GRIK4: variants seen among roughly 807,000 people sequenced by gnomAD.
The protein encoded by GRIK4 is glutamate receptor ionotropic, kainate 4.
Under a neutral mutation model 104.9 loss-of-function variants are expected in GRIK4, and 40 were observed. That is an observed-to-expected ratio of 0.38 (90% CI 0.30 to 0.50). The LOEUF (loss-of-function observed/expected upper bound fraction) is 0.50, where lower values mean the gene tolerates loss of function less well. Among genes scored for constraint, GRIK4 ranks in the 20% least tolerant of loss-of-function variants. GRIK4 has a pLI of 0.93. For missense variants in GRIK4, 1,047 were observed against 1,308.1 expected, an observed-to-expected ratio of 0.80 and a Z score of 3.08; for synonymous variants, 485 against 524.9, an observed-to-expected ratio of 0.92 and a Z score of 1.04.
In GRIK4 at chr11:120,962,539, G is replaced by C; in HGVS notation, c.2124G>C (p.Glu708Asp). The C allele has an allele frequency of 6.2e-7, 1 of 1,614,078 alleles. No homozygotes were observed. The highest frequency in any genetic ancestry group is 8.5e-7 in the Non-Finnish European group (1 of 1,179,938). The change falls in exon 18 of 21, where the codon GAG becomes GAC. Residue 708 changes from glutamate to aspartate, a missense_variant. Coordinates refer to ENST00000527524, the MANE Select transcript of GRIK4 (RefSeq NM_014619.5). ...QPSVFVKSTEEGIARVLNSNY... is the reference protein window; with the variant it reads ...QPSVFVKSTEDGIARVLNSNY... ...GCGTGTTCGTGAAGAGCACAGAGGA[G>C]GGAATCGCCAGGGTGTTGAATTCCA...
rs1224537590 is a variant in GRIK4, at chr11:120,987,014, T to G, written c.*754T>G. 6.6e-6 allele frequency: 1 copy of G among 152,244 alleles called. No individual in the cohort carries two copies. The highest frequency in any genetic ancestry group is 1.5e-5 in the Non-Finnish European group (1 of 68,050). 9.4% of individuals were successfully genotyped at this position (152,244 alleles called of 1,614,324 possible). A position where few individuals can be genotyped will look rare whatever the true frequency, so the allele number is the denominator to read the frequency against. On this transcript the variant is annotated 3_prime_UTR_variant, in exon 21 of 21. Transcript: ENST00000527524. ...AAGTCCATTGCAGTAAACTTTGAGA[T>G]GCCAAAAAGCAATTAACTCATCCTA...
intron 1 of GRIK4, among the ~76,000 whole-genome samples, chr11:120,537,250 T>C (rs555306756): frequency 6.4e-4 from 97 of 152,258 alleles, no homozygotes; most frequent in Non-Finnish European, 1.0e-3. Flanking sequence ...TCTTCCATGG[T>C]TGCATCGTCC....
chr11:120,808,444 C>A (rs1565364796), intron 4 of GRIK4, among the ~76,000 whole-genome samples: 1 of 152,188 alleles, frequency 6.6e-6, no homozygotes, highest in Non-Finnish European at 1.5e-5. Context: ...ACTTGGAAAG[C>A]CCCAGTAAAT....
rs1947898092 is a variant in GRIK4 at position 120,529,184 on chromosome 11, T to C, written c.-159+17297T>C. ...CCAACCCTCGTTCCCTTTGGAGCAC[T>C]CCCACCTTGCATTGTAACCTACAAC... On this transcript the variant is annotated intron_variant, in intron 1 of 20. Transcript: ENST00000527524. Among the ~76,000 whole-genome samples, 4 of 150,186 alleles carry C rather than the reference T, an allele frequency of 2.7e-5. No individual in the cohort carries two copies. The Admixed American group carries it at 2.7e-4, about 10-fold the overall frequency.
intron 9 of GRIK4, among the ~76,000 whole-genome samples, chr11:120,863,948 G>A (rs1954326438): frequency 6.6e-6 from 1 of 152,162 alleles, no homozygotes; most frequent in Non-Finnish European, 1.5e-5. Flanking sequence ...GCGGGTTTGA[G>A]AAAGAGTTTC....
intron 1 of GRIK4, among the ~76,000 whole-genome samples, chr11:120,639,706 A>C (rs781608755): frequency 6.6e-6 from 1 of 152,050 alleles, no homozygotes; most frequent in African/African-American, 2.4e-5. Context: ...TACCTTCCTC[A>C]TGTCTATCTG....
At chr11:120,667,438 C>T (rs377513815) in intron 3 of GRIK4, among the ~76,000 whole-genome samples, 7 of 152,264 alleles carry the variant, frequency 4.6e-5, no homozygotes, top group Non-Finnish European at 7.3e-5. Flanking sequence ...AGACCTCAGC[C>T]GAGTGCCTGC....
At chr11:120,863,240 C>T (rs1276327547) in intron 9 of GRIK4, among the ~76,000 whole-genome samples, 2 of 152,224 alleles carry the variant, frequency 1.3e-5, no homozygotes, top group Non-Finnish European at 2.9e-5. Flanking sequence ...GATAATACCA[C>T]ATTTTTCTTG....
At chr11:120,516,425 A>G (rs1947724870) in intron 1 of GRIK4, among the ~76,000 whole-genome samples, 2 of 152,092 alleles carry the variant, frequency 1.3e-5, no homozygotes, top group Middle Eastern at 3.2e-3. Flanking sequence ...GCACAGGACG[A>G]GGCAAGTGGG....
chr11:120,808,115 T>C (rs1952753673), intron 4 of GRIK4, among the ~76,000 whole-genome samples: 1 of 152,078 alleles, frequency 6.6e-6, no homozygotes. Context: ...TGGGATACAT[T>C]GGGATGCAGT....
intron 13 of GRIK4, among the ~76,000 whole-genome samples, chr11:120,924,784 T>C (rs896642923): frequency 6.6e-6 from 1 of 152,218 alleles, no homozygotes; most frequent in Admixed American, 6.5e-5. Context: ...ATATGAGCCA[T>C]GTCAACAAGT....
rs576652406 is a variant in GRIK4 at position 120,518,163 on chromosome 11, A to G, written c.-159+6276A>G. Reference sequence around the variant, plus strand: ...TGCTCCCCCTGAGGCTGTGTGGTGCAATGGTTGGCCTGGCCACTTCCAGAT... The same window carrying G: ...TGCTCCCCCTGAGGCTGTGTGGTGCGATGGTTGGCCTGGCCACTTCCAGAT... On this transcript the variant is annotated intron_variant, in intron 1 of 20. Coordinates refer to ENST00000527524, the MANE Select transcript of GRIK4 (RefSeq NM_014619.5). Among the ~76,000 whole-genome samples the G allele has an allele frequency of 4.6e-4, 70 of 152,232 alleles. No homozygotes were observed. The South Asian group carries it at 0.014, about 30-fold the overall frequency.
At chr11:120,530,589 T>C (rs980097778) in intron 1 of GRIK4, among the ~76,000 whole-genome samples, 1 of 152,276 alleles carries the variant, frequency 6.6e-6, no homozygotes, top group Middle Eastern at 3.4e-3. Flanking sequence ...AATCCTTAAT[T>C]TGGGAAGCCA....
intron 3 of GRIK4, among the ~76,000 whole-genome samples, chr11:120,761,717 A>T (rs1951751641): frequency 6.6e-6 from 1 of 152,180 alleles, no homozygotes; most frequent in Non-Finnish European, 1.5e-5. Context: ...TCCTTTTCCC[A>T]TTGCTTGTTT....
At chr11:120,777,044 C>T (rs754683248) in intron 3 of GRIK4, among the ~76,000 whole-genome samples, 2 of 152,102 alleles carry the variant, frequency 1.3e-5, no homozygotes, top group Non-Finnish European at 2.9e-5. Context: ...CTGGCTATGA[C>T]GAAGGCCTGG....
chr11:120,711,005 G>GT (rs1565308818), intron 3 of GRIK4, among the ~76,000 whole-genome samples: 3 of 150,026 alleles, frequency 2.0e-5, no homozygotes, highest in African/African-American at 2.5e-5. Flanking sequence ...GGTGGGGAGG[G>GT]GGTGTGAGCA....
At chr11:120,622,641 C>A (rs546940252) in intron 1 of GRIK4, among the ~76,000 whole-genome samples, 20 of 152,258 alleles carry the variant, frequency 1.3e-4, no homozygotes, top group African/African-American at 3.9e-4. Context: ...TAACAAATGA[C>A]CGGAAGCCAA....
At chr11:120,705,341 T>A (rs973834959) in intron 3 of GRIK4, among the ~76,000 whole-genome samples, 1 of 152,032 alleles carries the variant, frequency 6.6e-6, no homozygotes, top group Non-Finnish European at 1.5e-5. Context: ...TTTTTCTGCC[T>A]CAGCCTCCCA....
chr11:120,527,853 G>T (rs1360542274), intron 1 of GRIK4, among the ~76,000 whole-genome samples: 1 of 152,222 alleles, frequency 6.6e-6, no homozygotes, highest in Non-Finnish European at 1.5e-5. Context: ...TTTACCAGCG[G>T]AACCAGCCTC....
Sources: gnomAD v4.1 joint callset for allele counts (sites outside exome capture counted in the v4.1 genomes callset) on GRCh38, gnomAD v4.1.1 for gene constraint, MANE v1.5 for transcripts, NCBI Gene and HGNC (gene_info 2026-07-23, HGNC 2026-07-21) for gene names.